DIAPH2: variants seen among roughly 807,000 people sequenced by gnomAD.
DIAPH2 encodes diaphanous related formin 2.
DIAPH2 carries 35 observed loss-of-function variants against 92.7 expected under a neutral mutation model. The ratio of observed to expected loss-of-function variants is 0.38; its 90% CI spans 0.29 to 0.50. The LOEUF (loss-of-function observed/expected upper bound fraction) is 0.50, where lower values mean the gene tolerates loss of function less well. Ranked by LOEUF, DIAPH2 falls within the 20% of genes least tolerant of loss-of-function variation. DIAPH2 has a pLI of 0.94. For missense variants in DIAPH2, 701 were observed against 819.5 expected, an observed-to-expected ratio of 0.86 and a Z score of 1.77; for synonymous variants, 301 against 280.4, an observed-to-expected ratio of 1.07 and a Z score of -0.73.
rs1364594894 is a variant in DIAPH2 at position 96,965,005 on chromosome X, G to T, written c.1936-88G>T. ...TAGAGGATAGAGGAATAAAGGAACT[G>T]TCATTCAACCTTGCTGAAAGTTAGT... On this transcript the variant is annotated intron_variant, in intron 16 of 26. Transcript: ENST00000324765. The T allele has an allele frequency of 3.1e-6, 3 of 969,867 alleles. No individual in the cohort carries two copies. In the Admixed American group the frequency reaches 1.0e-4, roughly 32 times the overall value. The allele number at this position is 969,867 out of a possible 1,213,427, so 79.9% of individuals were successfully genotyped here.
intron 4 of DIAPH2, among the ~76,000 whole-genome samples, chrX:96,864,649 C>G (rs1284686051): frequency 1.8e-5 from 2 of 111,475 alleles, no homozygotes; most frequent in African/African-American, 6.5e-5. Flanking sequence ...GTGTTAAATC[C>G]CCAAACTAAA....
At chrX:97,159,330 A>G (rs2067347926) in intron 22 of DIAPH2, among the ~76,000 whole-genome samples, 2 of 112,389 alleles carry the variant, frequency 1.8e-5, no homozygotes, top group South Asian at 3.7e-4. Context: ...GTTATGAAAT[A>G]TTTTAATTGA....
chrX:97,263,363 T>C (rs2068304564), intron 23 of DIAPH2, among the ~76,000 whole-genome samples: 2 of 111,544 alleles, frequency 1.8e-5, no homozygotes, highest in East Asian at 5.6e-4. Flanking sequence ...AGTAAGCATA[T>C]ATCTGTTTAT....
intron 1 of DIAPH2, among the ~76,000 whole-genome samples, chrX:96,735,465 A>G (rs771040499): frequency 1.8e-5 from 2 of 111,290 alleles, no homozygotes; most frequent in South Asian, 7.6e-4. Context: ...ATTTTGTTGT[A>G]TCTTTTCTCA....
At chrX:97,562,915 G>A (rs921476846) in intron 26 of DIAPH2, among the ~76,000 whole-genome samples, 2 of 111,798 alleles carry the variant, frequency 1.8e-5, no homozygotes, top group Admixed American at 9.5e-5. Flanking sequence ...TTTGTATTTG[G>A]CAAAAATAAA....
intron 23 of DIAPH2, among the ~76,000 whole-genome samples, chrX:97,323,312 C>T (rs1181252475): frequency 9.6e-6 from 1 of 103,629 alleles, no homozygotes; most frequent in Non-Finnish European, 2.0e-5. Context: ...GTAAGCTTGG[C>T]CGGGCGCGGT....
chrX:97,236,596 G>A (rs1292783020), intron 22 of DIAPH2, among the ~76,000 whole-genome samples: 1 of 99,656 alleles, frequency 1.0e-5, no homozygotes, highest in Admixed American at 1.1e-4. Flanking sequence ...CCAGGCTGGA[G>A]TGCAGTGGCA....
chrX:96,895,214 A>G (rs1314032737), intron 5 of DIAPH2, among the ~76,000 whole-genome samples: 3 of 110,810 alleles, frequency 2.7e-5, no homozygotes, highest in Non-Finnish European at 5.7e-5. Context: ...CGTGTTGGCC[A>G]GGCTGTTCTC....
Position 97,130,270 on chromosome X carries a change from A to G in DIAPH2, c.2590-11395A>G, listed in dbSNP as rs1322698206. Among the ~76,000 whole-genome samples the G allele has an allele frequency of 5.4e-5, 6 of 111,996 alleles. No individual in the cohort carries two copies. The Admixed American group carries it at 5.7e-4, about 11-fold the overall frequency. ...CCACTTCTGGGCATATACATAAAAG[A>G]ATCGGAAGCAGGGACTACAGATGAT... On this transcript the variant is annotated intron_variant, in intron 21 of 26. Coordinates refer to ENST00000324765, the MANE Select transcript of DIAPH2 (RefSeq NM_006729.5).
intron 4 of DIAPH2, among the ~76,000 whole-genome samples, chrX:96,860,349 C>T (rs996496308): frequency 9.0e-6 from 1 of 111,310 alleles, no homozygotes; most frequent in Non-Finnish European, 1.9e-5. Context: ...ATAGACAATA[C>T]GTATGAGTGG....
At chrX:97,270,117 C>G (rs1326537172) in intron 23 of DIAPH2, among the ~76,000 whole-genome samples, 1 of 110,813 alleles carries the variant, frequency 9.0e-6, no homozygotes, top group Admixed American at 9.7e-5. Context: ...TTAATAGAGA[C>G]GGGGTTTTTC....
At chrX:97,452,467 TC>T (rs1313702492) in intron 26 of DIAPH2, among the ~76,000 whole-genome samples, 11 of 111,997 alleles carry the variant, frequency 9.8e-5, no homozygotes, top group African/African-American at 3.6e-4. Context: ...TACTAGGACT[TC>T]CTGCTGAGGT....
At chrX:97,288,740 C>CA (rs1167955541) in intron 23 of DIAPH2, among the ~76,000 whole-genome samples, 1,862 of 52,291 alleles carry the variant, frequency 0.036, 36 homozygotes, top group African/African-American at 0.07. Flanking sequence ...GACTCTGTCT[C>CA]AAAAAAAAAA....
chrX:97,220,096 A>G (rs748980578), intron 22 of DIAPH2, among the ~76,000 whole-genome samples: 3 of 111,671 alleles, frequency 2.7e-5, no homozygotes, highest in Non-Finnish European at 5.6e-5. Flanking sequence ...ACCTATATTT[A>G]TTGCCAAGCT....
chrX:97,574,210 G>A (rs748872636), intron 26 of DIAPH2, among the ~76,000 whole-genome samples: 6 of 111,897 alleles, frequency 5.4e-5, no homozygotes, highest in African/African-American at 1.9e-4. Flanking sequence ...CTCCCTCATT[G>A]GAGGATTCAA....
chrX:96,770,826 A>G (rs1426930909), intron 4 of DIAPH2, among the ~76,000 whole-genome samples: 4 of 112,338 alleles, frequency 3.6e-5, no homozygotes, highest in African/African-American at 1.3e-4. Flanking sequence ...AAAATAGCAC[A>G]AACACTATTA....
At chrX:96,862,561 T>C (rs994099952) in intron 4 of DIAPH2, among the ~76,000 whole-genome samples, 11 of 112,226 alleles carry the variant, frequency 9.8e-5, no homozygotes, top group Non-Finnish European at 1.9e-5. Flanking sequence ...CTGACCACTA[T>C]GTACAGAGTT....
intron 26 of DIAPH2, among the ~76,000 whole-genome samples, chrX:97,531,067 G>T (rs1044491940): frequency 9.0e-6 from 1 of 110,895 alleles, no homozygotes; most frequent in Non-Finnish European, 1.9e-5. Context: ...AAACATGAAA[G>T]GTATGATGGG....
intron 5 of DIAPH2, among the ~76,000 whole-genome samples, chrX:96,888,571 A>ATATATATATT (rs1556283020): frequency 5.3e-4 from 48 of 90,966 alleles, no homozygotes; most frequent in African/African-American, 1.8e-3. Flanking sequence ...ATATACACAG[A>ATATATATATT]TATATATATC....
Sources: gnomAD v4.1 joint callset for allele counts (sites outside exome capture counted in the v4.1 genomes callset) on GRCh38, gnomAD v4.1.1 for gene constraint, MANE v1.5 for transcripts, NCBI Gene and HGNC (gene_info 2026-07-23, HGNC 2026-07-21) for gene names.